FGD4: variants seen among roughly 807,000 people sequenced by gnomAD.
The protein encoded by FGD4 is FYVE, RhoGEF and PH domain-containing protein 4.
FGD4 carries 42 observed loss-of-function variants against 102.0 expected under a neutral mutation model. That is an observed-to-expected ratio of 0.41 (90% CI 0.32 to 0.53). FGD4 has a LOEUF of 0.53. FGD4 is among the 20% of genes least tolerant of loss of function. The probability of loss-of-function intolerance (pLI) is 0.21; values close to 1 mark genes in which losing one functional copy is unlikely to be tolerated. For synonymous variants in FGD4, 380 were observed against 375.7 expected (o/e 1.01, Z -0.13); for missense variants, 902 against 1,078.2 (o/e 0.84, Z 2.29).
At chr12:32,420,456 C>CAGAA (rs947669223) in intron 1 of FGD4, among the ~76,000 whole-genome samples, 1 of 152,090 alleles carries the variant, frequency 6.6e-6, no homozygotes, top group Non-Finnish European at 1.5e-5. Flanking sequence ...TCAGTCTTTC[C>CAGAA]TTCTGTGCTG....
At chr12:32,417,945 T>G (rs1365481526) in intron 1 of FGD4, among the ~76,000 whole-genome samples, 1 of 146,194 alleles carries the variant, frequency 6.8e-6, no homozygotes, top group Non-Finnish European at 1.5e-5. Flanking sequence ...TGGTCCCTGG[T>G]GTCTTAGTTC....
chr12:32,575,832 T>C (rs1483713856), intron 2 of FGD4, among the ~76,000 whole-genome samples: 2 of 152,250 alleles, frequency 1.3e-5, no homozygotes, highest in African/African-American at 4.8e-5. Flanking sequence ...GTTTAACTTA[T>C]TAGCTGTGGA....
chr12:32,463,807 A>T (rs1226959980), intron 1 of FGD4, among the ~76,000 whole-genome samples: 1 of 152,230 alleles, frequency 6.6e-6, no homozygotes, highest in Non-Finnish European at 1.5e-5. Flanking sequence ...GCATTAGTCC[A>T]TGTGGGCAGA....
At chr12:32,564,324 A>G in intron 2 of FGD4, 35 bp downstream of exon 2, 2 of 1,530,240 alleles carry the variant, frequency 1.3e-6, no homozygotes, top group Non-Finnish European at 1.7e-6. Context: ...CGGGGTGGGT[A>G]CGTTGTTGAT....
In FGD4 at chr12:32,642,369, G is replaced by A. The variant is rs1271467181; in HGVS notation, c.*1836G>A. 1 of 152,028 alleles carries A rather than the reference G, an allele frequency of 6.6e-6. No individual in the cohort carries two copies. The highest frequency in any genetic ancestry group is 1.5e-5 in the Non-Finnish European group (1 of 67,936). The allele number at this position is 152,028 out of a possible 1,614,324, so 9.4% of individuals were successfully genotyped here. A position where few individuals can be genotyped will look rare whatever the true frequency, so the allele number is the denominator to read the frequency against. ...AACTGTAGCTATAGATGATGCTTTG[G>A]TTTTCTTAATCTCAAGAAAAGAGAA... On this transcript the variant is annotated 3_prime_UTR_variant, in exon 17 of 17. Coordinates refer to ENST00000534526, the MANE Select transcript of FGD4 (RefSeq NM_001370298.3).
intron 1 of FGD4, among the ~76,000 whole-genome samples, chr12:32,475,489 C>G (rs1943561477): frequency 6.6e-6 from 1 of 152,118 alleles, no homozygotes; most frequent in South Asian, 2.1e-4. Context: ...CTCAAAGCAC[C>G]CACTTAAGAT....
chr12:32,610,727 A>G, intron 8 of FGD4, 49 bp from the exon 9 acceptor site: 1 of 1,543,492 alleles, frequency 6.5e-7, no homozygotes, highest in South Asian at 1.1e-5. Flanking sequence ...ATATAGAAGC[A>G]CAGGAAGGAC....
rs537327618 is a variant in FGD4, at chr12:32,407,418, G to A, written c.166+7459G>A. 5.5e-4 allele frequency among the ~76,000 whole-genome samples: 84 copies of A among 152,238 alleles called. 2 individuals are homozygous for A. The highest frequency in any genetic ancestry group is 3.7e-3 in the South Asian group (18 of 4,818). ...TGGGATTACAGGCGTGAGCCACTAC[G>A]CCTGGCCAAGAAGCTGTATTTTTAA... On this transcript the variant is annotated intron_variant, in intron 1 of 16. Coordinates refer to ENST00000534526, the MANE Select transcript of FGD4 (RefSeq NM_001370298.3).
At chr12:32,541,168 T>C (rs938999125) in intron 1 of FGD4, among the ~76,000 whole-genome samples, 3 of 152,148 alleles carry the variant, frequency 2.0e-5, no homozygotes, top group African/African-American at 7.2e-5. Flanking sequence ...ATGGATAAGC[T>C]AGAAGCAGTA....
At chr12:32,637,392 C>T (rs147045040) in intron 15 of FGD4, among the ~76,000 whole-genome samples, 63 of 151,308 alleles carry the variant, frequency 4.2e-4, no homozygotes, top group African/African-American at 1.3e-3. Context: ...GTCAGGAGAT[C>T]GAGACCATCC....
chr12:32,517,419 GTCTT>G (rs1038705271), intron 1 of FGD4, among the ~76,000 whole-genome samples: 2 of 151,996 alleles, frequency 1.3e-5, no homozygotes, highest in Non-Finnish European at 2.9e-5. Flanking sequence ...AAAAAATTGT[GTCTT>G]TATTATATGG....
intron 1 of FGD4, chr12:32,485,848 A>G: frequency 3.3e-6 from 4 of 1,209,440 alleles, no homozygotes; most frequent in Non-Finnish European, 4.1e-6. Flanking sequence ...CCGGTATTCT[A>G]GAGCTCTCTC....
intron 1 of FGD4, 104 bp from the exon 2 acceptor site, chr12:32,564,033 G>A (rs2136284783): frequency 9.6e-7 from 1 of 1,046,652 alleles, no homozygotes; most frequent in Non-Finnish European, 1.3e-6. Context: ...GAGAGGGAGG[G>A]GGAGGGGGAG....
intron 1 of FGD4, among the ~76,000 whole-genome samples, chr12:32,547,751 G>C (rs1003594232): frequency 3.7e-4 from 57 of 152,306 alleles, no homozygotes; most frequent in Admixed American, 3.3e-3. Context: ...TTGTTGCCCA[G>C]GCTGGAGTGC....
Position 32,638,791 on chromosome 12 carries a change from C to T in FGD4, c.2450C>T (p.Pro817Leu), listed in dbSNP as rs751271158. The part of the protein sequence containing the change: ...DPLVLYMYGA[P>L]QDVRAQATIP... ...CTTGTGCTGTACATGTATGGTGCCCCCCAGGTATCTAAACCACATCTGTCT... is the reference window on the plus strand; with the variant it reads ...CTTGTGCTGTACATGTATGGTGCCCTCCAGGTATCTAAACCACATCTGTCT... The change falls in exon 16 of 17, where the codon CCC becomes CTC. Residue 817 changes from proline to leucine, a missense_variant. By Grantham distance (98) the Pro-to-Leu change is moderately conservative (BLOSUM62 -3). This residue lies in a region of FGD4 where 459 missense variants were observed against 619.0 expected (regional missense o/e 0.74). Coordinates refer to ENST00000534526, the MANE Select transcript of FGD4 (RefSeq NM_001370298.3). 21 of 1,613,822 alleles carry T rather than the reference C, an allele frequency of 1.3e-5. No homozygotes were observed. The highest frequency in any genetic ancestry group is 1.5e-5 in the Non-Finnish European group (18 of 1,179,910).
chr12:32,423,210 G>A (rs1010522919), intron 1 of FGD4, among the ~76,000 whole-genome samples: 2 of 152,068 alleles, frequency 1.3e-5, no homozygotes, highest in Admixed American at 6.6e-5. Flanking sequence ...ATTGGGATTC[G>A]GCCAGAGAGG....
intron 1 of FGD4, among the ~76,000 whole-genome samples, chr12:32,403,009 A>T (rs191193222): frequency 1.3e-5 from 2 of 152,200 alleles, no homozygotes; most frequent in Non-Finnish European, 2.9e-5. Flanking sequence ...AAGTTACTGA[A>T]AAGTGCCAGT....
rs567026493 is a variant in FGD4 at position 32,520,444 on chromosome 12, T to G, written c.167-43693T>G. Among the ~76,000 whole-genome samples, 613 of 149,726 alleles carry G rather than the reference T, an allele frequency of 4.1e-3. 6 individuals are homozygous for G. Among genetic ancestry groups the G allele is most frequent in the African/African-American group, 0.013 (525 of 41,150 alleles). On this transcript the variant is annotated intron_variant, in intron 1 of 16. Coordinates refer to ENST00000534526, the MANE Select transcript of FGD4 (RefSeq NM_001370298.3). ...TTGTGGGTTTTTTTGTTTTTTGTTT[T>G]TTTTTTTTAGAGATGGAGTCTCGCT...
At position 32,631,628 on chromosome 12, in the gene FGD4, C is replaced by T. The variant is rs546896280; in HGVS notation, c.2173-1921C>T. Among the ~76,000 whole-genome samples, 635 of 151,298 alleles carry T rather than the reference C, an allele frequency of 4.2e-3. 6 individuals carry two copies. The highest frequency in any genetic ancestry group is 4.4e-3 in the Non-Finnish European group (301 of 67,936). ...CAAGCAATTCTTCTGCCTCAGCCTT[C>T]CAAGTAGCTGGGACTACAGGCGGGC... is the stretch of plus-strand genomic sequence containing the variant. On this transcript the variant is annotated intron_variant, in intron 14 of 16. Transcript: ENST00000534526.
Sources: allele counts gnomAD v4.1 joint callset (sites outside exome capture counted in the v4.1 genomes callset), GRCh38; gene constraint gnomAD v4.1.1; regional missense constraint gnomAD v4.1.1; transcripts MANE v1.5; gene names NCBI Gene and HGNC (gene_info 2026-07-23, HGNC 2026-07-21).